TRAPPC9: variants seen among roughly 807,000 people sequenced by gnomAD.
TRAPPC9 encodes the protein trafficking protein particle complex subunit 9, also known as IKK2 binding protein.
Under a neutral mutation model 124.0 loss-of-function variants are expected in TRAPPC9, and 83 were observed. The observed-to-expected ratio is 0.67, with a 90% CI of 0.56 to 0.80. The LOEUF (loss-of-function observed/expected upper bound fraction) is 0.80, where lower values mean the gene tolerates loss of function less well. Among genes scored for constraint, TRAPPC9 ranks in the 30% least tolerant of loss-of-function variants. The pLI is 0.00. For missense variants in TRAPPC9, 1,302 were observed against 1,508.3 expected (o/e 0.86, Z 2.27); for synonymous variants, 638 against 617.5 (o/e 1.03, Z -0.49).
intron 7 of TRAPPC9, among the ~76,000 whole-genome samples, chr8:140,387,247 T>C (rs1301403631): frequency 1.3e-5 from 2 of 152,182 alleles, no homozygotes; most frequent in African/African-American, 4.8e-5. Flanking sequence ...TAAACTTTAA[T>C]GTTAAGTTAA....
chr8:139,833,541 C>T (rs576649390), intron 21 of TRAPPC9, among the ~76,000 whole-genome samples: 1 of 152,352 alleles, frequency 6.6e-6, no homozygotes, highest in East Asian at 1.9e-4. Context: ...AGGGCAAATG[C>T]CCCGCAGATT....
rs144853613 is a variant in TRAPPC9 at position 140,213,240 on chromosome 8, A to G, written c.2556+8219T>C. On this transcript the variant is annotated intron_variant, in intron 17 of 22. Coordinates refer to ENST00000438773, the MANE Select transcript of TRAPPC9 (RefSeq NM_001160372.4). ...TTCTGTTTCCTAAGTGGCTATGTCT[A>G]TTGTGGTTGTCTATATCTGTGTGTA... Among the ~76,000 whole-genome samples, 1,002 of 152,092 alleles carry G rather than the reference A, an allele frequency of 6.6e-3. 45 individuals carry two copies. Among genetic ancestry groups the G allele is most frequent in the Admixed American group, 0.054 (831 of 15,286 alleles).
At position 140,157,126 on chromosome 8, in the gene TRAPPC9, T is replaced by TTTTCCATTCAGAAGCCTCCC. The variant is rs1563804523; in HGVS notation, c.2556+64313_2556+64332dup. On this transcript the variant is annotated intron_variant, in intron 17 of 22. Coordinates refer to ENST00000438773, the MANE Select transcript of TRAPPC9 (RefSeq NM_001160372.4). ...CTCCCTTTCCATTCAGAAGCCTCCC[T>TTTTCCATTCAGAAGCCTCCC]TTTCCATTCAGAAGCCTCCCTTTTC... Among the ~76,000 whole-genome samples the TTTTCCATTCAGAAGCCTCCC allele has an allele frequency of 2.5e-3, 115 of 45,250 alleles. 14 individuals carry two copies. Among genetic ancestry groups the TTTTCCATTCAGAAGCCTCCC allele is most frequent in the Non-Finnish European group, 4.2e-3 (88 of 20,740 alleles). 29.7% of individuals were successfully genotyped at this position (45,250 alleles called of 152,430 possible). A position where few individuals can be genotyped will look rare whatever the true frequency, so the allele number is the denominator to read the frequency against.
intron 18 of TRAPPC9, among the ~76,000 whole-genome samples, chr8:140,007,229 G>A (rs1838817498): frequency 6.6e-6 from 1 of 152,168 alleles, no homozygotes; most frequent in Non-Finnish European, 1.5e-5. Context: ...GAGCCATGAA[G>A]AACGCACGTA....
At chr8:140,344,836 T>C (rs2067290708) in intron 9 of TRAPPC9, among the ~76,000 whole-genome samples, 1 of 152,258 alleles carries the variant, frequency 6.6e-6, no homozygotes, top group South Asian at 2.1e-4. Context: ...CTCCACTTCC[T>C]GATACGTGTC....
intron 14 of TRAPPC9, among the ~76,000 whole-genome samples, chr8:140,280,492 G>A (rs778949573): frequency 1.2e-4 from 18 of 152,082 alleles, no homozygotes; most frequent in African/African-American, 3.9e-4. Context: ...GTAATGTCGC[G>A]ATCTCGGCTC....
At chr8:140,021,869 G>A (rs1434865464) in intron 18 of TRAPPC9, among the ~76,000 whole-genome samples, 1 of 152,220 alleles carries the variant, frequency 6.6e-6, no homozygotes, top group East Asian at 1.9e-4. Context: ...TTTCCAAAAG[G>A]TTGAATAAAG....
At chr8:139,816,661 C>T (rs1408932347) in intron 21 of TRAPPC9, among the ~76,000 whole-genome samples, 2 of 150,794 alleles carry the variant, frequency 1.3e-5, no homozygotes, top group South Asian at 2.1e-4. Context: ...AAGAATAAGA[C>T]GGAGCCTCCT....
intron 15 of TRAPPC9, among the ~76,000 whole-genome samples, chr8:140,274,096 G>A (rs781355403): frequency 5.3e-5 from 8 of 152,050 alleles, no homozygotes; most frequent in African/African-American, 1.9e-4. Flanking sequence ...GGAGCAAGAC[G>A]AACACATCAG....
At chr8:140,400,845 T>C (rs1224017744) in intron 6 of TRAPPC9, among the ~76,000 whole-genome samples, 1 of 152,156 alleles carries the variant, frequency 6.6e-6, no homozygotes, top group Non-Finnish European at 1.5e-5. Flanking sequence ...TTCCCTCCAA[T>C]GCCCTTCTCC....
intron 17 of TRAPPC9, chr8:140,098,284 C>T (rs1304817845): frequency 4.6e-5 from 7 of 152,220 alleles, no homozygotes; most frequent in Non-Finnish European, 8.8e-5. Context: ...CCACCCAGAT[C>T]CTCCGCAGCC....
chr8:139,836,707 C>T (rs1046618329), intron 21 of TRAPPC9, among the ~76,000 whole-genome samples: 2 of 152,214 alleles, frequency 1.3e-5, no homozygotes, highest in African/African-American at 4.8e-5. Context: ...GACACCAAGG[C>T]TCCACAAAAT....
intron 16 of TRAPPC9, among the ~76,000 whole-genome samples, chr8:140,226,602 A>T (rs1457672045): frequency 6.6e-6 from 1 of 151,502 alleles, no homozygotes; most frequent in Non-Finnish European, 1.5e-5. Context: ...AAAAAAAAAA[A>T]AAAAGAAAGA....
At chr8:139,944,784 A>G (rs1211951611) in intron 19 of TRAPPC9, among the ~76,000 whole-genome samples, 1 of 152,228 alleles carries the variant, frequency 6.6e-6, no homozygotes, top group African/African-American at 2.4e-5. Context: ...TACCTGAAAT[A>G]TTAATAAATT....
intron 4 of TRAPPC9, among the ~76,000 whole-genome samples, 178 bp downstream of exon 4, chr8:140,434,934 C>T (rs1172405321): frequency 6.6e-6 from 1 of 151,194 alleles, no homozygotes; most frequent in East Asian, 1.9e-4. Context: ...TGCGCCACTG[C>T]ACTCCAGCCC....
chr8:140,405,546 T>C, intron 6 of TRAPPC9, 31 bp downstream of exon 6: 2 of 1,613,010 alleles, frequency 1.2e-6, no homozygotes, highest in Non-Finnish European at 1.7e-6. Flanking sequence ...AACACAACTG[T>C]GTAAAAAAAA....
chr8:140,030,034 A>G (rs1840405772), intron 17 of TRAPPC9, among the ~76,000 whole-genome samples: 1 of 152,220 alleles, frequency 6.6e-6, no homozygotes, highest in Admixed American at 6.5e-5. Context: ...AACAAAAAGA[A>G]AAGCTGAATG....
At chr8:140,207,954 C>A (rs1420551986) in intron 17 of TRAPPC9, among the ~76,000 whole-genome samples, 2 of 152,080 alleles carry the variant, frequency 1.3e-5, no homozygotes, top group East Asian at 3.9e-4. Flanking sequence ...GAGTTTGAGA[C>A]CATCCTGGCC....
chr8:140,224,383 T>C (rs999799277), intron 16 of TRAPPC9, among the ~76,000 whole-genome samples: 2 of 152,026 alleles, frequency 1.3e-5, no homozygotes, highest in African/African-American at 4.8e-5. Flanking sequence ...CTGACAAACA[T>C]CCCCTAGAGG....
Sources: allele counts gnomAD v4.1 joint callset (sites outside exome capture counted in the v4.1 genomes callset), GRCh38; gene constraint gnomAD v4.1.1; transcripts MANE v1.5; gene names NCBI Gene and HGNC (gene_info 2026-07-23, HGNC 2026-07-21).